Variants in RGCC observed in about 807,000 individuals in gnomAD.
RGCC encodes the protein regulator of cell cycle.
RGCC carries 15 observed loss-of-function variants against 15.4 expected under a neutral mutation model. That is an observed-to-expected ratio of 0.97 (90% CI 0.65 to 1.50). The LOEUF is 1.50. Ranked by LOEUF, RGCC falls within the 40% of genes most tolerant of loss-of-function variation. RGCC has a pLI of 0.00. For synonymous variants in RGCC, 81 were observed against 78.0 expected (o/e 1.04, Z -0.20); for missense variants, 176 against 189.7 (o/e 0.93, Z 0.42).
At chr13:41,462,455 C>T (rs1387959380) in intron 2 of RGCC, among the ~76,000 whole-genome samples, 2 of 152,182 alleles carry the variant, frequency 1.3e-5, no homozygotes, top group Non-Finnish European at 2.9e-5. Context: ...AGTACACTAA[C>T]TAGACTTGCC....
chr13:41,470,670 G>C lies in RGCC; in HGVS notation c.*185G>C. The C allele has an allele frequency of 1.6e-6, 1 of 608,376 alleles. No homozygotes were observed. The highest frequency in any genetic ancestry group is 4.3e-4 in the Middle Eastern group (1 of 2,332). 37.7% of individuals were successfully genotyped at this position (608,376 alleles called of 1,614,324 possible). On this transcript the variant is annotated 3_prime_UTR_variant, in exon 5 of 5. Coordinates refer to ENST00000379359, the MANE Select transcript of RGCC (RefSeq NM_014059.3). ...ATCCCATTTCTGGGCAATTTAGACA[G>C]TGAAACTGACTTTGTTTACCTGCTT... is the stretch of plus-strand genomic sequence containing the variant.
chr13:41,466,491 C>T (rs902106053), intron 2 of RGCC, among the ~76,000 whole-genome samples: 5 of 152,096 alleles, frequency 3.3e-5, no homozygotes, highest in Non-Finnish European at 5.9e-5. Context: ...CAGATTCAAG[C>T]GAGTCTCCTG....
In RGCC at chr13:41,462,335, A is replaced by G. The variant is rs114119765; in HGVS notation, c.235+3865A>G. 2.4e-3 allele frequency among the ~76,000 whole-genome samples: 369 copies of G among 152,128 alleles called. 2 individuals are homozygous for G. Among genetic ancestry groups the G allele is most frequent in the African/African-American group, 8.3e-3 (343 of 41,504 alleles). ...ACACCTACCTTTTAAACAAGCCTCT[A>G]TTTTGCAGCAGTGTTTCTCAGACTC... On this transcript the variant is annotated intron_variant, in intron 2 of 4. Transcript: ENST00000379359.
chr13:41,458,422 C>A lies in RGCC; in HGVS notation c.187C>A (p.Arg63Ser), dbSNP rs572207656. 2 of 1,601,646 alleles carry A rather than the reference C, an allele frequency of 1.2e-6. No homozygotes were observed. Among genetic ancestry groups the A allele is most frequent in the Non-Finnish European group, 8.5e-7 (1 of 1,178,826 alleles). The change falls in exon 2 of 5, where the codon CGC (arginine) becomes AGC (serine). Residue 63 changes from arginine (R) to serine (S), a missense_variant. Transcript: ENST00000379359. This position sits in a 1 kb window ranked among gnomAD's most constrained non-coding sequence, Gnocchi z 4.4. ...GGAGCACCTGGAGCGCATGAAGCGG[C>A]GCAGCAGCGCCAGTGTCAGCGACAG... ...YEEHLERMKRRSSASVSDSSG... is the reference protein window; with the variant it reads ...YEEHLERMKRSSSASVSDSSG...
At chr13:41,469,671 C>CCA (rs372663399) in intron 4 of RGCC, among the ~76,000 whole-genome samples, 1 of 152,164 alleles carries the variant, frequency 6.6e-6, no homozygotes, top group African/African-American at 2.4e-5. Context: ...GGGCCTTTCA[C>CCA]CAGAGACCCA....
rs1182218480 is a variant in RGCC, at chr13:41,458,020, G to A, written c.49+264G>A. On this transcript the variant is annotated intron_variant, in intron 1 of 4. Transcript: ENST00000379359. This position sits in a 1 kb window ranked among gnomAD's most constrained non-coding sequence, Gnocchi z 4.4. ...GGACAGGTAACCGGCAGCGCCTGGG[G>A]AGGAATCTGGCCGCGCCAAGTCGCT... is the stretch of plus-strand genomic sequence containing the variant. 6.6e-6 allele frequency among the ~76,000 whole-genome samples: 1 copy of A among 152,210 alleles called. No homozygotes were observed. The highest frequency in any genetic ancestry group is 6.5e-5 in the Admixed American group (1 of 15,290).
intron 2 of RGCC, among the ~76,000 whole-genome samples, chr13:41,463,146 C>T (rs964322828): frequency 3.3e-5 from 5 of 152,176 alleles, no homozygotes; most frequent in African/African-American, 1.2e-4. Flanking sequence ...AGTGACTCTA[C>T]AGGGTCATGC....
chr13:41,463,074 A>C (rs1367350161), intron 2 of RGCC, among the ~76,000 whole-genome samples: 4 of 152,088 alleles, frequency 2.6e-5, no homozygotes, highest in Non-Finnish European at 5.9e-5. Context: ...AATCATTAAA[A>C]CCACAGGCAT....
chr13:41,465,623 G>A (rs759228985), intron 2 of RGCC, among the ~76,000 whole-genome samples: 3 of 152,122 alleles, frequency 2.0e-5, no homozygotes, highest in Non-Finnish European at 4.4e-5. Context: ...GTTCAGCCTT[G>A]AACTTCTGGG....
At chr13:41,460,125 G>T (rs1262518558) in intron 2 of RGCC, among the ~76,000 whole-genome samples, 1 of 152,174 alleles carries the variant, frequency 6.6e-6, no homozygotes, top group East Asian at 1.9e-4. Flanking sequence ...TGTTGTTAAC[G>T]GACTAACCCT....
At chr13:41,469,295 T>TAATAATAATAATAAGAAGAAGAAG (rs869157194) in intron 4 of RGCC, among the ~76,000 whole-genome samples, 1 of 86,726 alleles carries the variant, frequency 1.2e-5, no homozygotes, top group African/African-American at 3.7e-5. Flanking sequence ...ATAATAATAA[T>TAATAATAATAATAAGAAGAAGAAG]AAGAAGAAGA....
chr13:41,468,326 G>A (rs970018119), intron 3 of RGCC, among the ~76,000 whole-genome samples: 1 of 152,242 alleles, frequency 6.6e-6, no homozygotes, highest in African/African-American at 2.4e-5. Flanking sequence ...GCTCTGCACA[G>A]TGCTATGCTT....
intron 4 of RGCC, among the ~76,000 whole-genome samples, chr13:41,469,271 T>C (rs1481125394): frequency 2.4e-5 from 2 of 81,992 alleles, no homozygotes; most frequent in Admixed American, 1.3e-4. Flanking sequence ...ATAGTAATAA[T>C]AATAATAATA....
In RGCC at chr13:41,466,068, C is replaced by G. The variant is rs73181131; in HGVS notation, c.236-755C>G. Reference sequence around the variant, plus strand: ...TGGTATACTTGATTTGACACACACACACTCTCTCACTTCTCACTCACACTC... The same window carrying G: ...TGGTATACTTGATTTGACACACACAGACTCTCTCACTTCTCACTCACACTC... On this transcript the variant is annotated intron_variant, in intron 2 of 4. Transcript: ENST00000379359. 8.9e-3 allele frequency among the ~76,000 whole-genome samples: 1,346 copies of G among 152,012 alleles called. 6 individuals carry two copies. The highest frequency in any genetic ancestry group is 0.014 in the Non-Finnish European group (973 of 67,986).
At chr13:41,469,254 C>A (rs973316687) in intron 4 of RGCC, among the ~76,000 whole-genome samples, 38 of 144,652 alleles carry the variant, frequency 2.6e-4, no homozygotes, top group Non-Finnish European at 5.6e-4. Flanking sequence ...AGCAAGACTC[C>A]GTCAAAATAG....
intron 3 of RGCC, 69 bp from the exon 4 acceptor site, chr13:41,468,707 G>C: frequency 8.4e-7 from 1 of 1,194,302 alleles, no homozygotes; most frequent in Non-Finnish European, 1.2e-6. Flanking sequence ...TCAATATGGA[G>C]TCATCAGCTG....
chr13:41,466,727 T>C, intron 2 of RGCC, 96 bp from the exon 3 acceptor site: 4 of 889,596 alleles, frequency 4.5e-6, no homozygotes, highest in Non-Finnish European at 7.2e-6. Flanking sequence ...TTGGCTTATT[T>C]TGAAGACAAA....
At position 41,458,436 on chromosome 13, in the gene RGCC, T is replaced by C. The variant is rs7136; in HGVS notation, c.201T>C (p.Ser67=). The change falls in exon 2 of 5, where the codon AGT becomes AGC. Residue 67 remains serine, a synonymous_variant. Transcript: ENST00000379359. This position sits in a 1 kb window ranked among gnomAD's most constrained non-coding sequence, Gnocchi z 4.4. ...GCATGAAGCGGCGCAGCAGCGCCAG[T>C]GTCAGCGACAGCAGCGGCTTCAGCG... ...LERMKRRSSA[S]VSDSSGFSDS... is the part of the protein sequence containing the mutation. 0.42 allele frequency: 678,167 copies of C among 1,599,864 alleles called. 151,098 individuals carry two copies. The highest frequency in any genetic ancestry group is 0.72 in the African/African-American group (53,957 of 74,882).
Position 41,458,557 on chromosome 13 carries a change from C to A in RGCC, c.235+87C>A, listed in dbSNP as rs1479727774. ...AAGGCTGCGGCCTCAGTTTTCTTAT[C>A]AGTAAACTGAGGAATGGTTTCCTGA... On this transcript the variant is annotated intron_variant, in intron 2 of 4. Coordinates refer to ENST00000379359, the MANE Select transcript of RGCC (RefSeq NM_014059.3). The surrounding 1 kb of genome is among the most constrained non-coding windows in gnomAD (Gnocchi z 4.4). 4 of 1,337,378 alleles carry A rather than the reference C, an allele frequency of 3.0e-6. No homozygotes were observed. Among genetic ancestry groups the A allele is most frequent in the Middle Eastern group, 2.3e-4 (1 of 4,320 alleles). 82.8% of individuals were successfully genotyped at this position (1,337,378 alleles called of 1,614,324 possible). A position where few individuals can be genotyped will look rare whatever the true frequency, so the allele number is the denominator to read the frequency against.
Sources: allele counts gnomAD v4.1 joint callset (sites outside exome capture counted in the v4.1 genomes callset), GRCh38; gene constraint gnomAD v4.1.1; non-coding constraint Gnocchi (gnomAD v3.1); transcripts MANE v1.5; gene names NCBI Gene and HGNC (gene_info 2026-07-23, HGNC 2026-07-21).